PTPRT: variants seen among roughly 807,000 people sequenced by gnomAD.
PTPRT encodes the protein protein tyrosine phosphatase receptor type T.
PTPRT carries 56 observed loss-of-function variants against 176.8 expected under a neutral mutation model. The ratio of observed to expected loss-of-function variants is 0.32; its 90% CI spans 0.26 to 0.40. The LOEUF is 0.40. PTPRT is among the 10% of genes least tolerant of loss of function. The pLI, the probability that PTPRT is intolerant of heterozygous loss-of-function variation, is 1.00. For missense variants in PTPRT, 1,540 were observed against 1,908.2 expected (o/e 0.81, Z 3.60); for synonymous variants, 783 against 739.0 (o/e 1.06, Z -0.96).
At chr20:42,175,687 A>T (rs1990262355) in intron 16 of PTPRT, among the ~76,000 whole-genome samples, 1 of 151,968 alleles carries the variant, frequency 6.6e-6, no homozygotes. Flanking sequence ...CTCAAAGGAA[A>T]AAACCAGACT....
At chr20:42,992,968 G>C (rs977652518) in intron 1 of PTPRT, among the ~76,000 whole-genome samples, 1 of 152,110 alleles carries the variant, frequency 6.6e-6, no homozygotes, top group African/African-American at 2.4e-5. Flanking sequence ...TGAAGAAAGA[G>C]AACAACAGTT....
intron 6 of PTPRT, among the ~76,000 whole-genome samples, chr20:42,714,685 G>A (rs1317832992): frequency 6.6e-6 from 1 of 152,178 alleles, no homozygotes; most frequent in Non-Finnish European, 1.5e-5. Flanking sequence ...ACAGAAGTGA[G>A]ACTCATGTTT....
At chr20:43,091,459 T>TC (rs1280138591) in intron 1 of PTPRT, among the ~76,000 whole-genome samples, 2 of 146,764 alleles carry the variant, frequency 1.4e-5, no homozygotes, top group African/African-American at 5.2e-5. Context: ...TCTCTCTCTC[T>TC]CCCCCCTCTC....
chr20:42,970,607 T>A (rs952023337), intron 1 of PTPRT, among the ~76,000 whole-genome samples: 1 of 152,150 alleles, frequency 6.6e-6, no homozygotes, highest in Non-Finnish European at 1.5e-5. Context: ...TAAATGAGAT[T>A]GTATTTAAAG....
rs753788167 is a variant in PTPRT, at chr20:42,075,961, C to T, written c.*4918G>A. 1.4e-4 allele frequency: 31 copies of T among 221,958 alleles called. No individual in the cohort carries two copies. Among genetic ancestry groups the T allele is most frequent in the Non-Finnish European group, 2.5e-4 (28 of 110,916 alleles). 13.7% of individuals were successfully genotyped at this position (221,958 alleles called of 1,614,324 possible). On this transcript the variant is annotated 3_prime_UTR_variant, in exon 31 of 31. Coordinates refer to ENST00000373187, the MANE Select transcript of PTPRT (RefSeq NM_007050.6). Reference sequence around the variant, plus strand: ...ACCATTTTGCTAAATAAGTCATCTGCATCCTCGGTTCTGAGTATTCACTGG... The same window carrying T: ...ACCATTTTGCTAAATAAGTCATCTGTATCCTCGGTTCTGAGTATTCACTGG...
chr20:42,455,719 AT>A (rs979822393), intron 8 of PTPRT, among the ~76,000 whole-genome samples: 14 of 152,108 alleles, frequency 9.2e-5, no homozygotes, highest in African/African-American at 3.1e-4. Flanking sequence ...TTGCCTGATA[AT>A]TTTAACTTCT....
intron 7 of PTPRT, chr20:42,606,954 C>T (rs1313298420): frequency 6.6e-6 from 1 of 152,048 alleles, no homozygotes; most frequent in Non-Finnish European, 1.5e-5. Context: ...CCCAAGTGCT[C>T]ATGGATGAAT....
chr20:42,318,771 G>A (rs982455173), intron 11 of PTPRT, among the ~76,000 whole-genome samples: 1 of 152,078 alleles, frequency 6.6e-6, no homozygotes, highest in South Asian at 2.1e-4. Context: ...TGCTTTCTCA[G>A]ACAGACTTCC....
intron 2 of PTPRT, among the ~76,000 whole-genome samples, chr20:42,804,716 T>C (rs760419459): frequency 5.3e-5 from 8 of 152,246 alleles, no homozygotes; most frequent in Non-Finnish European, 1.2e-4. Context: ...ATCTGTTCCA[T>C]GCCCTCCCCT....
rs58874261 is a variant in PTPRT at position 43,189,425 on chromosome 20, C to T, written c.88+221G>A. Among the ~76,000 whole-genome samples, 3,439 of 152,260 alleles carry T rather than the reference C, an allele frequency of 0.023. 130 individuals are homozygous for T. Among genetic ancestry groups the T allele is most frequent in the African/African-American group, 0.078 (3,227 of 41,566 alleles). On this transcript the variant is annotated intron_variant, in intron 1 of 30. Transcript: ENST00000373187. This position sits in a 1 kb window ranked among gnomAD's most constrained non-coding sequence, Gnocchi z 5.0. The stretch of plus-strand genomic sequence containing the variant: ...AGGAAACTGAAGCGGGGAACTTCGC[C>T]AAACGCGGGCTGCCGAGGGACGCGA...
intron 7 of PTPRT, among the ~76,000 whole-genome samples, chr20:42,583,151 G>A (rs895186783): frequency 3.9e-5 from 6 of 152,114 alleles, no homozygotes; most frequent in Admixed American, 2.0e-4. Flanking sequence ...CCTTCAAACC[G>A]ACAGGTCCAC....
chr20:42,990,050 A>T (rs897868164), intron 1 of PTPRT, among the ~76,000 whole-genome samples: 5 of 152,246 alleles, frequency 3.3e-5, no homozygotes, highest in Admixed American at 3.3e-4. Context: ...AAACAAAAAA[A>T]TGTGCCTAAG....
At chr20:42,229,228 G>A (rs934417811) in intron 15 of PTPRT, among the ~76,000 whole-genome samples, 1 of 152,196 alleles carries the variant, frequency 6.6e-6, no homozygotes, top group African/African-American at 2.4e-5. Flanking sequence ...TGCTTTTAAG[G>A]AGACTGAGCA....
chr20:42,658,350 T>C (rs1442811866), intron 7 of PTPRT, among the ~76,000 whole-genome samples: 2 of 152,204 alleles, frequency 1.3e-5, no homozygotes, highest in Non-Finnish European at 2.9e-5. Flanking sequence ...TTAATATACC[T>C]ATTTTCTCTG....
intron 2 of PTPRT, among the ~76,000 whole-genome samples, chr20:42,868,769 T>G (rs1255124986): frequency 6.6e-6 from 1 of 152,140 alleles, no homozygotes; most frequent in African/African-American, 2.4e-5. Flanking sequence ...ATCTCTAAAG[T>G]TGTCACTCTC....
rs1481458105 is a variant in PTPRT at position 42,076,103 on chromosome 20, C to T, written c.*4776G>A. On this transcript the variant is annotated 3_prime_UTR_variant, in exon 31 of 31. Coordinates refer to ENST00000373187, the MANE Select transcript of PTPRT (RefSeq NM_007050.6). ...TATGTTTTTCATGTATGTATGTTTTCGTTCAAACTAAAGACTGAGCTCTGT... is the reference window on the plus strand; with the variant it reads ...TATGTTTTTCATGTATGTATGTTTTTGTTCAAACTAAAGACTGAGCTCTGT... 2.4e-5 allele frequency: 5 copies of T among 208,194 alleles called. No individual in the cohort carries two copies. Among genetic ancestry groups the T allele is most frequent in the Non-Finnish European group, 3.9e-5 (4 of 102,268 alleles). The allele number at this position is 208,194 out of a possible 1,614,324, so 12.9% of individuals were successfully genotyped here.
intron 9 of PTPRT, among the ~76,000 whole-genome samples, chr20:42,383,042 T>C (rs1198714305): frequency 6.6e-6 from 1 of 152,232 alleles, no homozygotes; most frequent in African/African-American, 2.4e-5. Context: ...TTAGTTAATC[T>C]CTCTAAACCT....
At chr20:42,580,287 T>C (rs1174301231) in intron 7 of PTPRT, among the ~76,000 whole-genome samples, 2 of 152,210 alleles carry the variant, frequency 1.3e-5, no homozygotes, top group Non-Finnish European at 2.9e-5. Context: ...ACCAGTACCA[T>C]GCTGTTTTGG....
the PTPRT span, among the ~76,000 whole-genome samples, chr20:42,040,971 A>G: frequency 1.1e-4 from 16 of 152,282 alleles, no homozygotes; most frequent in African/African-American, 3.9e-4. Flanking sequence ...GTCTGACACT[A>G]GAGGGTTTTT....
Sources: allele counts gnomAD v4.1 joint callset (sites outside exome capture counted in the v4.1 genomes callset), GRCh38; gene constraint gnomAD v4.1.1; non-coding constraint Gnocchi (gnomAD v3.1); transcripts MANE v1.5; gene names NCBI Gene and HGNC (gene_info 2026-07-23, HGNC 2026-07-21).